The following CRISP2 variants were observed in gnomAD, a reference collection of about 807,000 sequenced individuals.
CRISP2 encodes cysteine-rich secretory protein 2.
CRISP2 carries 29 observed loss-of-function variants against 31.7 expected under a neutral mutation model. The observed-to-expected ratio is 0.92, with a 90% confidence interval of 0.68 to 1.25. The LOEUF (loss-of-function observed/expected upper bound fraction) is 1.25, where lower values mean the gene tolerates loss of function less well. Ranked by LOEUF, CRISP2 falls within the 50% of genes most tolerant of loss-of-function variation. The pLI is 0.00. For missense variants in CRISP2, 318 were observed against 286.5 expected, an observed-to-expected ratio of 1.11 and a Z score of -0.79; for synonymous variants, 111 against 101.4, an observed-to-expected ratio of 1.09 and a Z score of -0.57.
downstream of CRISP2, among the ~76,000 whole-genome samples, chr6:49,690,594 TATC>T (rs1311915504): frequency 6.6e-6 from 1 of 152,078 alleles, no homozygotes; most frequent in African/African-American, 2.4e-5. Flanking sequence ...TTAGCAATGA[TATC>T]ATAATGTTCA....
At chr6:49,680,496 A>G in the CRISP2 span, among the ~76,000 whole-genome samples, 1 of 152,174 alleles carries the variant, frequency 6.6e-6, no homozygotes, top group Non-Finnish European at 1.5e-5. Flanking sequence ...AGAACAACTC[A>G]TATTCCTTTG....
chr6:49,714,002 A>G (rs912193893), upstream of CRISP2, among the ~76,000 whole-genome samples: 4 of 152,122 alleles, frequency 2.6e-5, no homozygotes, highest in Admixed American at 2.6e-4. Flanking sequence ...TCCCTCATAA[A>G]CACTTCATGT....
chr6:49,683,398 G>A, the CRISP2 span, among the ~76,000 whole-genome samples: 4 of 151,096 alleles, frequency 2.6e-5, no homozygotes, highest in African/African-American at 4.9e-5. Context: ...GAAACAGCCG[G>A]GCGCAGTGGC....
intron 9 of CRISP2, among the ~76,000 whole-genome samples, chr6:49,694,437 C>G (rs959473428): frequency 6.6e-6 from 1 of 152,130 alleles, no homozygotes; most frequent in Non-Finnish European, 1.5e-5. Flanking sequence ...AGAGGCCCAC[C>G]AATCTGGATA....
intron 4 of CRISP2, among the ~76,000 whole-genome samples, chr6:49,705,515 C>T (rs149934960): frequency 7.2e-5 from 11 of 152,290 alleles, no homozygotes; most frequent in South Asian, 2.1e-4. Context: ...TACTCATATC[C>T]GTACTTCCCA....
chr6:49,684,053 TG>T, the CRISP2 span, among the ~76,000 whole-genome samples: 1 of 152,022 alleles, frequency 6.6e-6, no homozygotes, highest in Non-Finnish European at 1.5e-5. Context: ...TGATTGTATC[TG>T]GGCAAAGTAC....
At chr6:49,689,456 G>A (rs938371555), downstream of CRISP2, among the ~76,000 whole-genome samples, 2 of 152,028 alleles carry the variant, frequency 1.3e-5, no homozygotes, top group African/African-American at 4.8e-5. Context: ...AGTCCTGGAT[G>A]ATAATAACAT....
the CRISP2 span, among the ~76,000 whole-genome samples, chr6:49,686,809 T>C: frequency 7.9e-5 from 12 of 152,264 alleles, no homozygotes; most frequent in Admixed American, 2.0e-4. Context: ...AATCCAAATG[T>C]CCAACAATGA....
chr6:49,694,740 CT>C (rs61258519), intron 9 of CRISP2, among the ~76,000 whole-genome samples: 67 of 141,862 alleles, frequency 4.7e-4, no homozygotes, highest in Non-Finnish European at 5.5e-4. Context: ...CTATTTTTTT[CT>C]TTTTTTTTTT....
intron 9 of CRISP2, among the ~76,000 whole-genome samples, chr6:49,693,409 G>T (rs1764224892): frequency 6.6e-6 from 1 of 152,068 alleles, no homozygotes; most frequent in East Asian, 1.9e-4. Flanking sequence ...TCATAATATT[G>T]GGCAGCATGG....
chr6:49,680,005 C>A, the CRISP2 span, among the ~76,000 whole-genome samples: 1 of 151,994 alleles, frequency 6.6e-6, no homozygotes, highest in South Asian at 2.1e-4. Flanking sequence ...TGCACCCAGC[C>A]GACTTTTATT....
intron 8 of CRISP2, among the ~76,000 whole-genome samples, chr6:49,696,713 C>A (rs541542871): frequency 6.6e-6 from 1 of 152,074 alleles, no homozygotes; most frequent in African/African-American, 2.4e-5. Flanking sequence ...CCATTAAATT[C>A]ATTTAAAATT....
At chr6:49,678,448 T>G in the CRISP2 span, among the ~76,000 whole-genome samples, 2 of 152,050 alleles carry the variant, frequency 1.3e-5, no homozygotes, top group Non-Finnish European at 2.9e-5. Context: ...GAGAAAAAAT[T>G]TCCATCTTAT....
the CRISP2 span, among the ~76,000 whole-genome samples, chr6:49,682,561 CTCTT>C: frequency 0.025 from 2,699 of 105,968 alleles, 123 homozygotes; most frequent in Middle Eastern, 0.043. Context: ...CTCCATCTTT[CTCTT>C]TCTTTCTTTT....
At chr6:49,682,603 CT>C in the CRISP2 span, among the ~76,000 whole-genome samples, 25 of 62,446 alleles carry the variant, frequency 4.0e-4, 1 homozygote, top group South Asian at 8.4e-3. Context: ...TTCTTTCTTT[CT>C]TTCTTTCTTT....
At chr6:49,677,573 T>C in the CRISP2 span, among the ~76,000 whole-genome samples, 9 of 152,298 alleles carry the variant, frequency 5.9e-5, no homozygotes, top group African/African-American at 2.2e-4. Flanking sequence ...ATTAAGGATT[T>C]CTTTGGCAAT....
chr6:49,684,864 CT>C, the CRISP2 span, among the ~76,000 whole-genome samples: 2 of 152,184 alleles, frequency 1.3e-5, no homozygotes, highest in Non-Finnish European at 1.5e-5. Context: ...AAAGTCTAAA[CT>C]TTCAGTCAAT....
downstream of CRISP2, among the ~76,000 whole-genome samples, chr6:49,688,533 C>A (rs1349389602): frequency 6.6e-6 from 1 of 151,896 alleles, no homozygotes; most frequent in East Asian, 1.9e-4. Context: ...CTTTAAGGTA[C>A]AGGCCAAAAA....
chr6:49,699,759 T>C (rs1329566768), intron 6 of CRISP2, 45 bp downstream of exon 6: 1 of 1,323,904 alleles, frequency 7.6e-7, no homozygotes, highest in African/African-American at 1.5e-5. Flanking sequence ...TCTATTATTA[T>C]TTTATTCATT....
Sources: allele counts gnomAD v4.1 joint callset (sites outside exome capture counted in the v4.1 genomes callset), GRCh38; gene constraint gnomAD v4.1.1; transcripts MANE v1.5; gene names NCBI Gene and HGNC (gene_info 2026-07-23, HGNC 2026-07-21).